The following ADAMTS18 variants were observed in gnomAD, a reference collection of about 807,000 sequenced individuals.
ADAMTS18 encodes ADAM metallopeptidase with thrombospondin type 1 motif 18, also known as A disintegrin and metalloproteinase with thrombospondin motifs 18.
Under a neutral mutation model 165.9 loss-of-function variants are expected in ADAMTS18, and 157 were observed. The observed-to-expected ratio is 0.95, with a 90% CI of 0.83 to 1.08. The LOEUF is 1.08. Among genes scored for constraint, ADAMTS18 ranks in the 50% least tolerant of loss-of-function variants. The pLI is 0.00. For missense variants in ADAMTS18, 2,040 were observed against 1,534.0 expected, an observed-to-expected ratio of 1.33 and a Z score of -5.51; for synonymous variants, 782 against 578.2, an observed-to-expected ratio of 1.35 and a Z score of -5.06.
At chr16:77,287,425 G>T (rs1256580652) in intron 22 of ADAMTS18, among the ~76,000 whole-genome samples, 1 of 152,066 alleles carries the variant, frequency 6.6e-6, no homozygotes, top group African/African-American at 2.4e-5. Context: ...ACAAACACGT[G>T]GGCTCGTATC....
Position 77,325,478 on chromosome 16 carries a change from A to G in ADAMTS18, c.2032+388T>C, listed in dbSNP as rs1420163338. Among the ~76,000 whole-genome samples, 59 of 152,106 alleles carry G rather than the reference A, an allele frequency of 3.9e-4. 1 individual carries two copies. The highest frequency in any genetic ancestry group is 3.9e-3 in the Admixed American group (59 of 15,266). On this transcript the variant is annotated intron_variant, in intron 13 of 22. Coordinates refer to ENST00000282849, the MANE Select transcript of ADAMTS18 (RefSeq NM_199355.4). ...CATGCTTGTAATCAACTGACATGTCAGTTACTGTGTACGGTGCCTCTATGG... is the reference window on the plus strand; with the variant it reads ...CATGCTTGTAATCAACTGACATGTCGGTTACTGTGTACGGTGCCTCTATGG...
At chr16:77,375,890 C>CTTTTTTTTTTTTTTTTTTTTTTTTTTT (rs200629744) in intron 3 of ADAMTS18, among the ~76,000 whole-genome samples, 2 of 93,904 alleles carry the variant, frequency 2.1e-5, no homozygotes, top group Non-Finnish European at 4.1e-5. Context: ...TCTTTCTTTC[C>CTTTTTTTTTTTTTTTTTTTTTTTTTTT]TTTTTTTTTT....
chr16:77,294,400 T>A (rs2055425704), intron 19 of ADAMTS18, among the ~76,000 whole-genome samples: 1 of 152,152 alleles, frequency 6.6e-6, no homozygotes, highest in South Asian at 2.1e-4. Flanking sequence ...GTTGAGAACC[T>A]TTGCTTTAGA....
intron 16 of ADAMTS18, among the ~76,000 whole-genome samples, chr16:77,301,846 G>C (rs2055589121): frequency 6.6e-6 from 1 of 152,082 alleles, no homozygotes; most frequent in African/African-American, 2.4e-5. Context: ...AATGTTAATA[G>C]ATGGATCTGT....
chr16:77,285,254 C>T (rs1273567101), intron 22 of ADAMTS18, among the ~76,000 whole-genome samples: 1 of 152,160 alleles, frequency 6.6e-6, no homozygotes, highest in African/African-American at 2.4e-5. Context: ...CTCACTGCAT[C>T]CTCCGCCTCA....
chr16:77,428,775 C>T (rs1420238866), intron 3 of ADAMTS18, among the ~76,000 whole-genome samples: 2 of 152,118 alleles, frequency 1.3e-5, no homozygotes, highest in Non-Finnish European at 2.9e-5. Context: ...AGATGCTCAA[C>T]CAGAATATAT....
Position 77,393,925 on chromosome 16 carries a change from T to G in ADAMTS18, c.496-26202A>C, listed in dbSNP as rs923858125. On this transcript the variant is annotated intron_variant, in intron 3 of 22. Coordinates refer to ENST00000282849, the MANE Select transcript of ADAMTS18 (RefSeq NM_199355.4). ...GAGGAACATATCCATCCAGTAGGAT[T>G]TACTTAGCCGGGATGTACACCATAT... Among the ~76,000 whole-genome samples the G allele has an allele frequency of 5.9e-5, 9 of 152,352 alleles. No homozygotes were observed. In the South Asian group the frequency reaches 6.2e-4, roughly 11 times the overall value.
chr16:77,410,209 C>G lies in ADAMTS18; in HGVS notation c.495+21086G>C, dbSNP rs1311758983. Among the ~76,000 whole-genome samples, 5 of 150,992 alleles carry G rather than the reference C, an allele frequency of 3.3e-5. No homozygotes were observed. In the East Asian group the frequency reaches 7.8e-4, roughly 24 times the overall value. The stretch of plus-strand genomic sequence containing the variant: ...GTAGTCTCTTCTATTTTATGTTACT[C>G]TATGATATTTTCTTTCTTATTAATG... On this transcript the variant is annotated intron_variant, in intron 3 of 22. Transcript: ENST00000282849.
chr16:77,392,652 G>C (rs547988879), intron 3 of ADAMTS18, among the ~76,000 whole-genome samples: 1 of 152,234 alleles, frequency 6.6e-6, no homozygotes, highest in Non-Finnish European at 1.5e-5. Context: ...CAGGGATACA[G>C]GCACTGCTGT....
intron 3 of ADAMTS18, among the ~76,000 whole-genome samples, chr16:77,401,556 C>A (rs1447798670): frequency 6.6e-6 from 1 of 152,188 alleles, no homozygotes; most frequent in Non-Finnish European, 1.5e-5. Flanking sequence ...AGTATGCTCT[C>A]CATCTCTACA....
intron 7 of ADAMTS18, among the ~76,000 whole-genome samples, chr16:77,361,589 A>G (rs2056714004): frequency 6.6e-6 from 1 of 152,196 alleles, no homozygotes; most frequent in South Asian, 2.1e-4. Context: ...TAGGATCAAT[A>G]AAGAAAAATA....
At chr16:77,361,334 C>T (rs952907298) in intron 7 of ADAMTS18, among the ~76,000 whole-genome samples, 2 of 152,088 alleles carry the variant, frequency 1.3e-5, no homozygotes, top group African/African-American at 2.4e-5. Flanking sequence ...ATGGAATATA[C>T]TAGAATATAG....
chr16:77,285,469 G>GT, intron 22 of ADAMTS18, among the ~76,000 whole-genome samples: 1 of 151,980 alleles, frequency 6.6e-6, no homozygotes, highest in South Asian at 2.1e-4. Context: ...CACACCCCCG[G>GT]CCATTTTACT....
At chr16:77,314,362 C>T (rs1376884607) in intron 16 of ADAMTS18, among the ~76,000 whole-genome samples, 1 of 151,928 alleles carries the variant, frequency 6.6e-6, no homozygotes, top group African/African-American at 2.4e-5. Context: ...AATCCCAGCA[C>T]TTTGGGAGGC....
At chr16:77,400,022 C>G (rs1268401483) in intron 3 of ADAMTS18, among the ~76,000 whole-genome samples, 1 of 152,150 alleles carries the variant, frequency 6.6e-6, no homozygotes, top group African/African-American at 2.4e-5. Context: ...ATCAAGAACT[C>G]TATGGTGGCA....
chr16:77,287,409 G>T (rs1346640275), intron 22 of ADAMTS18, among the ~76,000 whole-genome samples: 2 of 152,122 alleles, frequency 1.3e-5, no homozygotes, highest in Non-Finnish European at 2.9e-5. Context: ...ACATTTTTGG[G>T]TCAGAACAAA....
At chr16:77,401,748 T>C (rs2057334590) in intron 3 of ADAMTS18, among the ~76,000 whole-genome samples, 1 of 152,222 alleles carries the variant, frequency 6.6e-6, no homozygotes, top group African/African-American at 2.4e-5. Flanking sequence ...AGAAGCATCA[T>C]CTAATTTCTT....
chr16:77,360,436 C>T (rs2056695817), intron 7 of ADAMTS18, among the ~76,000 whole-genome samples: 1 of 152,178 alleles, frequency 6.6e-6, no homozygotes, highest in Non-Finnish European at 1.5e-5. Context: ...AGCCCATGCC[C>T]TTTGCATTAG....
chr16:77,371,899 A>G (rs751652326), intron 3 of ADAMTS18, among the ~76,000 whole-genome samples: 3 of 152,232 alleles, frequency 2.0e-5, no homozygotes, highest in Non-Finnish European at 4.4e-5. Context: ...CAGAATATGT[A>G]AGGAACTCAA....
Sources: gnomAD v4.1 joint callset for allele counts (sites outside exome capture counted in the v4.1 genomes callset) on GRCh38, gnomAD v4.1.1 for gene constraint, MANE v1.5 for transcripts, NCBI Gene and HGNC (gene_info 2026-07-23, HGNC 2026-07-21) for gene names.